MEP1A: variants seen among roughly 807,000 people sequenced by gnomAD.
MEP1A encodes N-benzoyl-L-tyrosyl-P-amino-benzoic acid hydrolase subunit alpha.
A neutral mutation model predicts 84.5 loss-of-function variants in MEP1A; 68 were observed. That is an observed-to-expected ratio of 0.80 (90% confidence interval 0.66 to 0.98). MEP1A has a LOEUF of 0.98. Among genes scored for constraint, MEP1A ranks in the 50% least tolerant of loss-of-function variants. The probability of loss-of-function intolerance (pLI) is 0.00; values close to 1 mark genes in which losing one functional copy is unlikely to be tolerated. For missense variants in MEP1A, 887 were observed against 919.9 expected (o/e 0.96, Z 0.46); for synonymous variants, 337 against 336.8 (o/e 1.00, Z -0.01).
intron 8 of MEP1A, 91 bp from the exon 9 acceptor site, chr6:46,826,263 C>G (rs1326488132): frequency 8.5e-7 from 1 of 1,181,956 alleles, no homozygotes; most frequent in African/African-American, 1.5e-5. Flanking sequence ...CCTGTCATAT[C>G]TGAACAATGA....
At chr6:46,828,810 A>T (rs1294494591) in intron 9 of MEP1A, among the ~76,000 whole-genome samples, 3 of 152,102 alleles carry the variant, frequency 2.0e-5, no homozygotes, top group African/African-American at 7.2e-5. Context: ...TTAGTCTCTA[A>T]TGTGTCCTGA....
chr6:46,835,348 A>G lies in MEP1A; in HGVS notation c.1883A>G (p.Glu628Gly). 6.2e-7 allele frequency: 1 copy of G among 1,611,032 alleles called. No individual in the cohort carries two copies. Among genetic ancestry groups the G allele is most frequent in the Non-Finnish European group, 8.5e-7 (1 of 1,178,694 alleles). The change falls in exon 13 of 14, where the codon GAA becomes GGA. Residue 628 changes from glutamate to glycine, a missense_variant. By Grantham distance (98) the Glu-to-Gly change is moderately conservative. Transcript: ENST00000230588. The stretch of plus-strand genomic sequence containing the variant: ...GGCCAGGAGCAGCAGGTCTCCGAAG[A>G]AGGTTCGGGAAAGGCCATGTTAGAG... Reference protein sequence around the residue: ...LQGQEQQVSEEGSGKAMLEEA... With the variant: ...LQGQEQQVSEGGSGKAMLEEA...
At chr6:46,804,196 CAG>C (rs1000920520) in intron 5 of MEP1A, among the ~76,000 whole-genome samples, 59 of 151,680 alleles carry the variant, frequency 3.9e-4, no homozygotes, top group Non-Finnish European at 4.6e-4. Flanking sequence ...TCTTATAAAG[CAG>C]ATTTGTTGAT....
chr6:46,807,870 C>G (rs1017905220), intron 5 of MEP1A, among the ~76,000 whole-genome samples: 33 of 151,528 alleles, frequency 2.2e-4, no homozygotes, highest in Non-Finnish European at 8.8e-5. Flanking sequence ...TCAAATGTGG[C>G]TCCTGCATTC....
At position 46,825,433 on chromosome 6, in the gene MEP1A, G is replaced by C. The variant is rs769018940; in HGVS notation, c.718G>C (p.Gly240Arg). ...GATCCCTGAGTTTAACTCCATTATCGGACAGCGCCTGGATTTCAGTGCCAT... is the reference window on the plus strand; with the variant it reads ...GATCCCTGAGTTTAACTCCATTATCCGACAGCGCCTGGATTTCAGTGCCAT... ...AKIPEFNSII[G>R]QRLDFSAIDL... The change falls in exon 8 of 14, where the codon GGA becomes CGA. Residue 240 changes from glycine (G) to arginine (R), a missense_variant. Transcript: ENST00000230588. 8 of 1,613,606 alleles carry C rather than the reference G, an allele frequency of 5.0e-6. No homozygotes were observed. The highest frequency in any genetic ancestry group is 2.7e-5 in the African/African-American group (2 of 74,866).
chr6:46,843,727 C>T (rs1266923354), downstream of MEP1A, among the ~76,000 whole-genome samples: 1 of 152,182 alleles, frequency 6.6e-6, no homozygotes, highest in African/African-American at 2.4e-5. Context: ...AAGCAAATTA[C>T]AGATGGATCT....
chr6:46,793,510 C>T, intron 1 of MEP1A, 42 bp from the exon 2 acceptor site: 1 of 1,585,370 alleles, frequency 6.3e-7, no homozygotes. Flanking sequence ...AATATTAATT[C>T]TAGTATACAT....
chr6:46,824,109 A>G (rs1249256953), intron 7 of MEP1A, among the ~76,000 whole-genome samples: 3 of 152,132 alleles, frequency 2.0e-5, no homozygotes, highest in Non-Finnish European at 4.4e-5. Flanking sequence ...GGGCAGACTC[A>G]GTGTATGAGG....
intron 10 of MEP1A, 71 bp from the exon 11 acceptor site, chr6:46,833,003 G>T: frequency 1.2e-6 from 1 of 858,926 alleles, no homozygotes; most frequent in Non-Finnish European, 1.8e-6. Flanking sequence ...ACATGGCACT[G>T]TGCCAAACTC....
intron 5 of MEP1A, among the ~76,000 whole-genome samples, chr6:46,799,584 A>G (rs1767147155): frequency 6.6e-6 from 1 of 152,056 alleles, no homozygotes; most frequent in Non-Finnish European, 1.5e-5. Context: ...AACATGCCAC[A>G]CTTTGAGAAA....
chr6:46,829,917 G>A (rs1768041407), intron 10 of MEP1A, among the ~76,000 whole-genome samples: 1 of 152,086 alleles, frequency 6.6e-6, no homozygotes, highest in South Asian at 2.1e-4. Flanking sequence ...GTGGAGATAA[G>A]AAGGTAAAAG....
intron 13 of MEP1A, 30 bp from the exon 14 acceptor site, chr6:46,838,950 C>G (rs1174543889): frequency 6.3e-7 from 1 of 1,592,128 alleles, no homozygotes; most frequent in African/African-American, 1.3e-5. Flanking sequence ...TGGGTAGTTC[C>G]CACACTCCCT....
intron 5 of MEP1A, among the ~76,000 whole-genome samples, chr6:46,800,768 T>C (rs1220103264): frequency 6.6e-6 from 1 of 152,150 alleles, no homozygotes; most frequent in African/African-American, 2.4e-5. Flanking sequence ...TAATGCACAC[T>C]TCCATCATTC....
At chr6:46,844,397 G>C (rs1234074717), downstream of MEP1A, among the ~76,000 whole-genome samples, 3 of 152,058 alleles carry the variant, frequency 2.0e-5, no homozygotes, top group Non-Finnish European at 4.4e-5. Context: ...GTAAAGACAA[G>C]ACCCATCTCT....
At chr6:46,809,840 T>G (rs912719312) in intron 6 of MEP1A, among the ~76,000 whole-genome samples, 1 of 151,416 alleles carries the variant, frequency 6.6e-6, no homozygotes, top group Admixed American at 6.6e-5. Context: ...TACATATATT[T>G]TTTTTTCTTT....
rs967413831 is a variant in MEP1A at position 46,834,721 on chromosome 6, G to A, written c.1753G>A (p.Asp585Asn). 13 of 1,608,770 alleles carry A rather than the reference G, an allele frequency of 8.1e-6. No homozygotes were observed. The highest frequency in any genetic ancestry group is 1.1e-5 in the Non-Finnish European group (13 of 1,178,022). ...GAAAAGGAGGAGTTTCCTGAAAAAT[G>A]ATGACCTCATCATATTTGTGGACTT... ...MLKRRSFLKNDDLIIFVDFED... is the reference protein window; with the variant it reads ...MLKRRSFLKNNDLIIFVDFED... The change falls in exon 12 of 14, where the codon GAT (aspartate) becomes AAT (asparagine). Residue 585 changes from aspartate (D) to asparagine (N), a missense_variant. Physicochemically the swap from Asp to Asn is conservative, Grantham distance 23 (BLOSUM62 1). Coordinates refer to ENST00000230588, the MANE Select transcript of MEP1A (RefSeq NM_005588.3).
chr6:46,838,315 G>A (rs1441945226), intron 13 of MEP1A, among the ~76,000 whole-genome samples: 2 of 152,170 alleles, frequency 1.3e-5, no homozygotes, highest in Non-Finnish European at 2.9e-5. Context: ...GACACTACAA[G>A]TTATATGCCT....
rs148910032 is a variant in MEP1A, at chr6:46,798,630, G to C, written c.170G>C (p.Gly57Ala). 8.7e-6 allele frequency: 14 copies of C among 1,613,716 alleles called. No individual in the cohort carries two copies. In the African/African-American group the frequency reaches 1.9e-4, roughly 22 times the overall value. ...NLAAGLDLFQGDILLQKSRNG... is the reference protein window; with the variant it reads ...NLAAGLDLFQADILLQKSRNG... ...GCTGCAGGCTTGGACCTCTTTCAAG[G>C]GGACATCCTCTTGCAGGTGAGTACC... Residue 57 changes from glycine (G) to alanine (A), a missense_variant, in exon 4 of 14, where the codon GGG (glycine) becomes GCG (alanine). By Grantham distance (60) the Gly-to-Ala change is moderately conservative. Transcript: ENST00000230588.
chr6:46,837,081 A>G (rs1210899795), intron 13 of MEP1A, among the ~76,000 whole-genome samples: 1 of 152,090 alleles, frequency 6.6e-6, no homozygotes. Context: ...TCAAATCCTC[A>G]CACACTAATT....
Sources: gnomAD v4.1 joint callset for allele counts (sites outside exome capture counted in the v4.1 genomes callset) on GRCh38, gnomAD v4.1.1 for gene constraint, MANE v1.5 for transcripts, NCBI Gene and HGNC (gene_info 2026-07-23, HGNC 2026-07-21) for gene names.